Variants in RBFOX1 observed in about 807,000 individuals in gnomAD.
The protein encoded by RBFOX1 is RNA binding protein fox-1 homolog 1.
In RBFOX1, 8 loss-of-function variants were observed where a neutral mutation model predicts 57.7. The observed-to-expected ratio is 0.14, with a 90% CI of 0.08 to 0.25. The LOEUF is 0.25. RBFOX1 is among the 10% of genes least tolerant of loss of function. The pLI is 1.00. For synonymous variants in RBFOX1, 326 were observed against 222.4 expected, an observed-to-expected ratio of 1.47 and a Z score of -4.15; for missense variants, 611 against 548.5, an observed-to-expected ratio of 1.11 and a Z score of -1.14.
At chr16:5,479,441 A>G (rs2069445247) in intron 2 of RBFOX1, among the ~76,000 whole-genome samples, 1 of 152,178 alleles carries the variant, frequency 6.6e-6, no homozygotes, top group African/African-American at 2.4e-5. Flanking sequence ...GCTGAGCTTC[A>G]GGCAGAGTAT....
At chr16:6,492,445 G>GT (rs1335835718) in intron 2 of RBFOX1, among the ~76,000 whole-genome samples, 1 of 152,112 alleles carries the variant, frequency 6.6e-6, no homozygotes, top group Non-Finnish European at 1.5e-5. Context: ...GCAGGTGCCT[G>GT]TTAGTCCCAG....
intron 3 of RBFOX1, among the ~76,000 whole-genome samples, chr16:6,902,476 C>G (rs771101964): frequency 7.2e-5 from 11 of 152,258 alleles, no homozygotes; most frequent in Middle Eastern, 3.4e-3. Context: ...AATCCTAGCA[C>G]TTTGAGAGGC....
At chr16:7,298,936 G>T (rs192126111) in intron 4 of RBFOX1, among the ~76,000 whole-genome samples, 1 of 152,306 alleles carries the variant, frequency 6.6e-6, no homozygotes, top group East Asian at 1.9e-4. Context: ...GTCCTGTATA[G>T]TTCAAATCTG....
chr16:5,405,986 C>T (rs2066855090), intron 1 of RBFOX1, among the ~76,000 whole-genome samples: 1 of 152,160 alleles, frequency 6.6e-6, no homozygotes, highest in Admixed American at 6.5e-5. Context: ...ACTTGTCTCT[C>T]TCTGGACATC....
intron 1 of RBFOX1, among the ~76,000 whole-genome samples, chr16:5,316,280 T>A (rs773324397): frequency 6.6e-6 from 1 of 152,222 alleles, no homozygotes; most frequent in African/African-American, 2.4e-5. Flanking sequence ...ATATCCTTAT[T>A]GCATTTCCTC....
intron 4 of RBFOX1, among the ~76,000 whole-genome samples, chr16:7,150,483 C>G (rs950176093): frequency 9.2e-5 from 14 of 152,274 alleles, no homozygotes; most frequent in Middle Eastern, 3.4e-3. Context: ...TATTACCACT[C>G]AATGGTGGTA....
At chr16:5,938,242 C>T (rs1410534703) in intron 4 of RBFOX1, among the ~76,000 whole-genome samples, 1 of 152,098 alleles carries the variant, frequency 6.6e-6, no homozygotes. Context: ...GGTTTGTAGC[C>T]AGCTTTCTGG....
At chr16:6,966,169 C>T (rs370732148) in intron 3 of RBFOX1, among the ~76,000 whole-genome samples, 1 of 152,214 alleles carries the variant, frequency 6.6e-6, no homozygotes, top group African/African-American at 2.4e-5. Context: ...TACGCTCTTG[C>T]CAGAGGCTTC....
chr16:5,531,275 G>T (rs1382334730), intron 2 of RBFOX1, among the ~76,000 whole-genome samples: 1 of 152,174 alleles, frequency 6.6e-6, no homozygotes, highest in African/African-American at 2.4e-5. Context: ...GGGTGGGAAG[G>T]AGCATGTATC....
At chr16:5,767,512 T>C (rs531319298) in intron 3 of RBFOX1, among the ~76,000 whole-genome samples, 1 of 152,286 alleles carries the variant, frequency 6.6e-6, no homozygotes, top group Admixed American at 6.5e-5. Context: ...TCAGAGCCCC[T>C]GTGCAGACAT....
intron 2 of RBFOX1, among the ~76,000 whole-genome samples, chr16:6,631,648 A>T (rs150527489): frequency 6.6e-6 from 1 of 152,210 alleles, no homozygotes. Context: ...AATCAAGGTT[A>T]TCAATGCAAA....
intron 3 of RBFOX1, among the ~76,000 whole-genome samples, chr16:6,953,865 T>C (rs1189080835): frequency 6.6e-6 from 1 of 152,226 alleles, no homozygotes; most frequent in Non-Finnish European, 1.5e-5. Flanking sequence ...TCTTTGCCCA[T>C]TGGCGGCCAA....
At chr16:6,800,147 C>T (rs2085042437) in intron 3 of RBFOX1, among the ~76,000 whole-genome samples, 1 of 151,812 alleles carries the variant, frequency 6.6e-6, no homozygotes, top group African/African-American at 2.4e-5. Context: ...CTGGTTTGGG[C>T]CAATTTCTTT....
chr16:6,090,456 T>G (rs1274375365), intron 1 of RBFOX1, among the ~76,000 whole-genome samples: 1 of 152,210 alleles, frequency 6.6e-6, no homozygotes, highest in Admixed American at 6.5e-5. Context: ...GTGCTACAGC[T>G]ATAGAAAGTT....
chr16:7,086,319 T>G (rs1399749933), intron 4 of RBFOX1, among the ~76,000 whole-genome samples: 2 of 152,182 alleles, frequency 1.3e-5, no homozygotes, highest in African/African-American at 4.8e-5. Flanking sequence ...ATATCACTAA[T>G]GGTCAAAACT....
intron 4 of RBFOX1, among the ~76,000 whole-genome samples, chr16:7,380,412 TG>T (rs1188347345): frequency 2.6e-5 from 4 of 151,956 alleles, no homozygotes; most frequent in Non-Finnish European, 4.4e-5. Flanking sequence ...AATGACTTTA[TG>T]TCTATGACTC....
At chr16:7,519,238 C>A (rs1472684771) in intron 5 of RBFOX1, among the ~76,000 whole-genome samples, 1 of 152,100 alleles carries the variant, frequency 6.6e-6, no homozygotes, top group Non-Finnish European at 1.5e-5. Flanking sequence ...CTCTGAACCT[C>A]GCTTCTTTAC....
intron 15 of RBFOX1, chr16:7,710,251 C>G (rs1415823785): frequency 3.7e-6 from 4 of 1,078,358 alleles, no homozygotes; most frequent in Non-Finnish European, 4.5e-6. Flanking sequence ...ACCTAGTCCA[C>G]ATGAGGAATG....
intron 1 of RBFOX1, among the ~76,000 whole-genome samples, chr16:5,331,132 G>A (rs372052298): frequency 6.6e-6 from 1 of 152,050 alleles, no homozygotes; most frequent in African/African-American, 2.4e-5. Context: ...GAGCATTTTT[G>A]GTCCGCTGTA....
Sources: allele counts gnomAD v4.1 joint callset (sites outside exome capture counted in the v4.1 genomes callset), GRCh38; gene constraint gnomAD v4.1.1; transcripts MANE v1.5; gene names NCBI Gene and HGNC (gene_info 2026-07-23, HGNC 2026-07-21).